Variants in SLC2A13 observed in about 807,000 individuals in gnomAD.
SLC2A13 encodes the protein solute carrier family 2 member 13.
SLC2A13 carries 32 observed loss-of-function variants against 64.4 expected under a neutral mutation model. That is an observed-to-expected ratio of 0.50 (90% CI 0.37 to 0.67). The LOEUF (loss-of-function observed/expected upper bound fraction) is 0.67, where lower values mean the gene tolerates loss of function less well. SLC2A13 is among the 30% of genes least tolerant of loss of function. The pLI is 0.00. For synonymous variants in SLC2A13, 338 were observed against 327.1 expected (o/e 1.03, Z -0.36); for missense variants, 743 against 829.2 (o/e 0.90, Z 1.28).
chr12:39,846,369 G>A (rs990364841), intron 6 of SLC2A13, among the ~76,000 whole-genome samples: 10 of 152,122 alleles, frequency 6.6e-5, no homozygotes, highest in African/African-American at 2.2e-4. Context: ...GTGGTTAAGG[G>A]CTGAATTCTA....
intron 3 of SLC2A13, among the ~76,000 whole-genome samples, chr12:39,984,877 G>C (rs1436749794): frequency 6.6e-6 from 1 of 152,092 alleles, no homozygotes; most frequent in Non-Finnish European, 1.5e-5. Context: ...GTAGAGATTT[G>C]CTGTCATATA....
At position 39,923,061 on chromosome 12, in the gene SLC2A13, T is replaced by C. The variant is rs11835468; in HGVS notation, c.1034+28196A>G. ...TGCAGAATTATTTACAGTAGATAAA[T>C]AGCAGATACTTAGTATCTATGTTGT... is the stretch of plus-strand genomic sequence containing the variant. On this transcript the variant is annotated intron_variant, in intron 4 of 9. Coordinates refer to ENST00000280871, the MANE Select transcript of SLC2A13 (RefSeq NM_052885.4). Among the ~76,000 whole-genome samples, 1,036 of 152,120 alleles carry C rather than the reference T, an allele frequency of 6.8e-3. 21 individuals are homozygous for C. The highest frequency in any genetic ancestry group is 0.024 in the African/African-American group (981 of 41,478).
Position 39,895,998 on chromosome 12 carries a change from GTATA to G in SLC2A13, c.1035-24041_1035-24038del, listed in dbSNP as rs753339209. Among the ~76,000 whole-genome samples, 593 of 132,940 alleles carry G rather than the reference GTATA, an allele frequency of 4.5e-3. 16 individuals carry two copies. The highest frequency in any genetic ancestry group is 7.1e-3 in the Non-Finnish European group (438 of 61,900). 87.2% of individuals were successfully genotyped at this position (132,940 alleles called of 152,430 possible). A position where few individuals can be genotyped will look rare whatever the true frequency, so the allele number is the denominator to read the frequency against. On this transcript the variant is annotated intron_variant, in intron 4 of 9. Coordinates refer to ENST00000280871, the MANE Select transcript of SLC2A13 (RefSeq NM_052885.4). ...TATGTATACATACATTCATATATGTGTATATATACATGTGTATATGTATACATAC... is the reference window on the plus strand; with the variant it reads ...TATGTATACATACATTCATATATGTGTATACATGTGTATATGTATACATAC...
chr12:39,896,574 A>G lies in SLC2A13; in HGVS notation c.1035-24613T>C, dbSNP rs543615619. ...TATACATGTATACATATATGTATGT[A>G]TGTGTGTATATATGTATACATATAT... On this transcript the variant is annotated intron_variant, in intron 4 of 9. Transcript: ENST00000280871. 5.1e-3 allele frequency among the ~76,000 whole-genome samples: 698 copies of G among 137,408 alleles called. 9 individuals are homozygous for G. Among genetic ancestry groups the G allele is most frequent in the African/African-American group, 0.016 (623 of 38,124 alleles). 90.1% of individuals were successfully genotyped at this position (137,408 alleles called of 152,430 possible).
intron 1 of SLC2A13, among the ~76,000 whole-genome samples, chr12:40,099,120 T>C (rs1399917865): frequency 1.3e-5 from 2 of 152,234 alleles, no homozygotes; most frequent in Non-Finnish European, 2.9e-5. Flanking sequence ...AACTTGAGTT[T>C]AGAAGTACCC....
At position 39,869,648 on chromosome 12, in the gene SLC2A13, G is replaced by A. The variant is rs550128846; in HGVS notation, c.1198+2150C>T. On this transcript the variant is annotated intron_variant, in intron 5 of 9. Transcript: ENST00000280871. Reference sequence around the variant, plus strand: ...ACCCTGAAATCCCCTGGTGTTTCCCGAGGAATTGTCTTAATACTTCCCCTT... The same window carrying A: ...ACCCTGAAATCCCCTGGTGTTTCCCAAGGAATTGTCTTAATACTTCCCCTT... 9.9e-4 allele frequency among the ~76,000 whole-genome samples: 151 copies of A among 152,222 alleles called. 2 individuals are homozygous for A. Among genetic ancestry groups the A allele is most frequent in the African/African-American group, 3.3e-3 (136 of 41,522 alleles).
At chr12:39,969,514 T>G (rs1171441894) in intron 3 of SLC2A13, among the ~76,000 whole-genome samples, 1 of 152,256 alleles carries the variant, frequency 6.6e-6, no homozygotes, top group Non-Finnish European at 1.5e-5. Context: ...AGATGATATC[T>G]CACTGTGGTT....
intron 3 of SLC2A13, among the ~76,000 whole-genome samples, chr12:39,991,618 C>G (rs1310777888): frequency 6.6e-6 from 1 of 152,192 alleles, no homozygotes; most frequent in Non-Finnish European, 1.5e-5. Context: ...AGAATACAGG[C>G]TACTTACCAG....
At chr12:39,947,689 G>T in intron 4 of SLC2A13, among the ~76,000 whole-genome samples, 1 of 137,858 alleles carries the variant, frequency 7.3e-6, no homozygotes, top group African/African-American at 2.8e-5. Flanking sequence ...GAGACGGAGT[G>T]TCGCTCAGTC....
intron 3 of SLC2A13, among the ~76,000 whole-genome samples, chr12:39,953,412 A>C (rs1946266073): frequency 6.6e-6 from 1 of 152,178 alleles, no homozygotes; most frequent in Non-Finnish European, 1.5e-5. Flanking sequence ...AAAATTAAAG[A>C]ATTTCCTTTC....
At chr12:39,937,029 T>C (rs1448639204) in intron 4 of SLC2A13, among the ~76,000 whole-genome samples, 1 of 152,046 alleles carries the variant, frequency 6.6e-6, no homozygotes, top group East Asian at 1.9e-4. Flanking sequence ...ACGGTTCAAA[T>C]TGAGTAGGAA....
At chr12:39,872,289 CATA>C (rs1425761145) in intron 4 of SLC2A13, among the ~76,000 whole-genome samples, 2 of 152,244 alleles carry the variant, frequency 1.3e-5, no homozygotes, top group East Asian at 3.9e-4. Context: ...TAATTGGCCA[CATA>C]ATAAGGTTAT....
At chr12:39,808,702 T>C (rs1942053561) in intron 7 of SLC2A13, among the ~76,000 whole-genome samples, 1 of 152,212 alleles carries the variant, frequency 6.6e-6, no homozygotes, top group Admixed American at 6.5e-5. Flanking sequence ...TATATCTATG[T>C]GCTTATTTGC....
At chr12:39,774,810 TA>T (rs755168673) in intron 7 of SLC2A13, among the ~76,000 whole-genome samples, 90 of 152,294 alleles carry the variant, frequency 5.9e-4, no homozygotes, top group Admixed American at 1.5e-3. Flanking sequence ...TCATTGCATC[TA>T]AACTCCTTAT....
chr12:39,873,262 G>C (rs1283835498), intron 4 of SLC2A13, among the ~76,000 whole-genome samples: 1 of 152,100 alleles, frequency 6.6e-6, no homozygotes, highest in Non-Finnish European at 1.5e-5. Context: ...GACAGCTGTT[G>C]CAAAAAGAGA....
At chr12:39,761,597 A>G (rs534141525) in intron 9 of SLC2A13, among the ~76,000 whole-genome samples, 9 of 145,622 alleles carry the variant, frequency 6.2e-5, no homozygotes, top group African/African-American at 2.3e-4. Flanking sequence ...GGTGATACTG[A>G]TAAGCTAGCT....
chr12:39,954,883 G>C (rs1327717490), intron 3 of SLC2A13, among the ~76,000 whole-genome samples: 1 of 152,104 alleles, frequency 6.6e-6, no homozygotes, highest in African/African-American at 2.4e-5. Flanking sequence ...TGACACAACA[G>C]AAAAGGGAAA....
chr12:40,042,936 C>T (rs1268838340), intron 2 of SLC2A13, among the ~76,000 whole-genome samples: 1 of 125,112 alleles, frequency 8.0e-6, no homozygotes, highest in East Asian at 2.3e-4. Context: ...GGAGACACTA[C>T]AGGCAAAAAA....
At chr12:39,886,184 G>A (rs1444099925) in intron 4 of SLC2A13, among the ~76,000 whole-genome samples, 1 of 152,034 alleles carries the variant, frequency 6.6e-6, no homozygotes, top group Non-Finnish European at 1.5e-5. Context: ...AACAGCAGAG[G>A]AACTAGTTGA....
Sources: gnomAD v4.1 joint callset for allele counts (sites outside exome capture counted in the v4.1 genomes callset) on GRCh38, gnomAD v4.1.1 for gene constraint, MANE v1.5 for transcripts, NCBI Gene and HGNC (gene_info 2026-07-23, HGNC 2026-07-21) for gene names.